The following ZNF33B variants were observed in gnomAD, a reference collection of about 807,000 sequenced individuals.
The protein encoded by ZNF33B is zinc finger protein 11b (KOX 2).
A neutral mutation model predicts 45.8 loss-of-function variants in ZNF33B; 29 were observed. The ratio of observed to expected loss-of-function variants is 0.63; its 90% CI spans 0.47 to 0.86. ZNF33B has a LOEUF of 0.86. Among genes scored for constraint, ZNF33B ranks in the 40% least tolerant of loss-of-function variants. The pLI, the probability that ZNF33B is intolerant of heterozygous loss-of-function variation, is 0.00. For synonymous variants in ZNF33B, 305 were observed against 307.8 expected, an observed-to-expected ratio of 0.99 and a Z score of 0.10; for missense variants, 831 against 909.9, an observed-to-expected ratio of 0.91 and a Z score of 1.12.
intron 1 of ZNF33B, among the ~76,000 whole-genome samples, chr10:42,578,284 G>C (rs1320749373): frequency 1.3e-5 from 2 of 152,318 alleles, no homozygotes; most frequent in African/African-American, 2.4e-5. Context: ...GTTTCTCCAC[G>C]GTCTGGAGGG....
At chr10:42,629,178 G>C (rs1459789319) in intron 4 of ZNF33B, among the ~76,000 whole-genome samples, 1 of 152,094 alleles carries the variant, frequency 6.6e-6, no homozygotes, top group Non-Finnish European at 1.5e-5. Context: ...CAGAAATGGA[G>C]GCACAGAATG....
chr10:42,632,540 G>T lies in ZNF33B; in HGVS notation c.10-101C>A. The T allele has an allele frequency of 3.5e-6, 5 of 1,429,002 alleles. 1 individual carries two copies. The South Asian group carries it at 7.1e-5, about 20-fold the overall frequency. 88.5% of individuals were successfully genotyped at this position (1,429,002 alleles called of 1,614,324 possible). A position where few individuals can be genotyped will look rare whatever the true frequency, so the allele number is the denominator to read the frequency against. ...ATTTGTTTTGCTTTATACTTTTAGG[G>T]AAAAAAGAAATCATAACAGAAATAT... On this transcript the variant is annotated intron_variant, in intron 2 of 4. Transcript: ENST00000359467.
intron 4 of ZNF33B, among the ~76,000 whole-genome samples, chr10:42,618,544 C>A (rs1419963492): frequency 2.6e-5 from 4 of 152,150 alleles, no homozygotes; most frequent in Non-Finnish European, 5.9e-5. Context: ...TACTTACCAT[C>A]AAAAATGTAT....
chr10:42,621,188 C>G (rs1369452297), intron 4 of ZNF33B, among the ~76,000 whole-genome samples: 1 of 148,228 alleles, frequency 6.7e-6, no homozygotes, highest in African/African-American at 2.5e-5. Context: ...GATAGCTGGG[C>G]ATAGTGGGCA....
At chr10:42,610,795 C>CGTTA (rs1003253010) in intron 4 of ZNF33B, among the ~76,000 whole-genome samples, 1 of 152,156 alleles carries the variant, frequency 6.6e-6, no homozygotes, top group African/African-American at 2.4e-5. Flanking sequence ...AGGAAACTAA[C>CGTTA]AAGCTGGTCT....
At chr10:42,598,971 T>C (rs1432447479) in intron 4 of ZNF33B, among the ~76,000 whole-genome samples, 2 of 152,208 alleles carry the variant, frequency 1.3e-5, no homozygotes, top group Non-Finnish European at 2.9e-5. Context: ...GTACTATTAA[T>C]TGTTTGCTGG....
intron 4 of ZNF33B, among the ~76,000 whole-genome samples, chr10:42,617,834 A>C (rs1361224564): frequency 1.7e-5 from 1 of 58,320 alleles, no homozygotes; most frequent in Admixed American, 2.1e-4. Context: ...ATTTGTGATA[A>C]TTGGCTAATA....
Position 42,619,090 on chromosome 10 carries a change from G to C in ZNF33B, c.250+12839C>G, listed in dbSNP as rs111299963. Among the ~76,000 whole-genome samples the C allele has an allele frequency of 8.9e-3, 1,336 of 150,656 alleles. 15 individuals are homozygous for C. The highest frequency in any genetic ancestry group is 0.031 in the African/African-American group (1,258 of 40,916). On this transcript the variant is annotated intron_variant, in intron 4 of 4. Coordinates refer to ENST00000359467, the MANE Select transcript of ZNF33B (RefSeq NM_006955.3). ...TGTTGAGTGACATAATCAAATGGTG[G>C]AGTACACAGCTCCCAACTGTCCCCA...
At chr10:42,585,271 G>A (rs1342835471), downstream of ZNF33B, among the ~76,000 whole-genome samples, 3 of 152,204 alleles carry the variant, frequency 2.0e-5, no homozygotes, top group Non-Finnish European at 2.9e-5. Flanking sequence ...ATCCTAAGGA[G>A]CCAAAGTGTT....
chr10:42,620,546 C>T (rs1305329553), intron 4 of ZNF33B, among the ~76,000 whole-genome samples: 7 of 151,630 alleles, frequency 4.6e-5, no homozygotes, highest in Non-Finnish European at 4.4e-5. Context: ...GGAACCACAG[C>T]GCACACCACC....
At chr10:42,627,251 G>C (rs1209410094) in intron 4 of ZNF33B, among the ~76,000 whole-genome samples, 2 of 152,160 alleles carry the variant, frequency 1.3e-5, no homozygotes, top group Non-Finnish European at 2.9e-5. Context: ...TGATCCGCCT[G>C]CCTTGGCCTC....
At chr10:42,604,628 C>T (rs1160602542) in intron 4 of ZNF33B, among the ~76,000 whole-genome samples, 2 of 150,736 alleles carry the variant, frequency 1.3e-5, no homozygotes, top group African/African-American at 2.4e-5. Flanking sequence ...CAACAAAAGA[C>T]TTGGCCAGGT....
intron 4 of ZNF33B, among the ~76,000 whole-genome samples, chr10:42,596,674 T>C (rs1054521753): frequency 1.3e-5 from 2 of 152,088 alleles, no homozygotes; most frequent in African/African-American, 4.8e-5. Flanking sequence ...TTGCCAGACA[T>C]AGCTGTAAAA....
intron 4 of ZNF33B, among the ~76,000 whole-genome samples, chr10:42,608,048 C>T (rs990110192): frequency 1.3e-5 from 2 of 152,070 alleles, no homozygotes; most frequent in Non-Finnish European, 2.9e-5. Context: ...GCTGGAGTAG[C>T]TATCCTAATA....
chr10:42,590,268 C>G lies in ZNF33B; in HGVS notation c.*2345G>C, dbSNP rs1226795090. ...ACAAAATGATTTGGGAAGTGTTATC[C>G]CTGCTTTTATTTTCTGAAAGAGACA... is the stretch of plus-strand genomic sequence containing the variant. On this transcript the variant is annotated 3_prime_UTR_variant, in exon 5 of 5. Coordinates refer to ENST00000359467, the MANE Select transcript of ZNF33B (RefSeq NM_006955.3). 1 of 152,060 alleles carries G rather than the reference C, an allele frequency of 6.6e-6. No homozygotes were observed. Among genetic ancestry groups the G allele is most frequent in the African/African-American group, 2.4e-5 (1 of 41,392 alleles). 9.4% of individuals were successfully genotyped at this position (152,060 alleles called of 1,614,324 possible). A position where few individuals can be genotyped will look rare whatever the true frequency, so the allele number is the denominator to read the frequency against.
At chr10:42,614,991 T>G (rs1321383087) in intron 4 of ZNF33B, among the ~76,000 whole-genome samples, 2 of 151,864 alleles carry the variant, frequency 1.3e-5, no homozygotes, top group Admixed American at 1.3e-4. Context: ...TCATTAGCCA[T>G]TAGGAAATGC....
At chr10:42,617,961 T>A (rs1415367212) in intron 4 of ZNF33B, among the ~76,000 whole-genome samples, 1 of 152,174 alleles carries the variant, frequency 6.6e-6, no homozygotes, top group African/African-American at 2.4e-5. Context: ...AACTCCATCC[T>A]TTTTGTGTGT....
chr10:42,607,098 A>AAT (rs1837893806), intron 4 of ZNF33B, among the ~76,000 whole-genome samples: 1 of 152,090 alleles, frequency 6.6e-6, no homozygotes. Context: ...TTGGGTTTTA[A>AAT]ATATATATGC....
intron 4 of ZNF33B, among the ~76,000 whole-genome samples, chr10:42,625,090 G>A (rs1589063681): frequency 6.7e-6 from 1 of 149,914 alleles, no homozygotes; most frequent in African/African-American, 2.5e-5. Flanking sequence ...TGGAAATTTT[G>A]GAATAAGCTT....
Sources: gnomAD v4.1 joint callset for allele counts (sites outside exome capture counted in the v4.1 genomes callset) on GRCh38, gnomAD v4.1.1 for gene constraint, MANE v1.5 for transcripts, NCBI Gene and HGNC (gene_info 2026-07-23, HGNC 2026-07-21) for gene names.